NXPH1: variants seen among roughly 807,000 people sequenced by gnomAD.
NXPH1 encodes neurexophilin-1.
NXPH1 carries 5 observed loss-of-function variants against 23.7 expected under a neutral mutation model. The observed-to-expected ratio is 0.21, with a 90% CI of 0.11 to 0.44. The LOEUF (loss-of-function observed/expected upper bound fraction) is 0.44. Among genes scored for constraint, NXPH1 ranks in the 20% least tolerant of loss-of-function variants. The pLI is 0.99. For synonymous variants in NXPH1, 144 were observed against 122.2 expected, an observed-to-expected ratio of 1.18 and a Z score of -1.18; for missense variants, 324 against 321.6, an observed-to-expected ratio of 1.01 and a Z score of -0.06.
intron 2 of NXPH1, among the ~76,000 whole-genome samples, chr7:8,578,393 C>T (rs2128623231): frequency 6.6e-6 from 1 of 152,292 alleles, no homozygotes; most frequent in East Asian, 1.9e-4. Context: ...ACATCTCAGC[C>T]ATGTCCCAAA....
intron 2 of NXPH1, among the ~76,000 whole-genome samples, chr7:8,489,259 G>C (rs1474402500): frequency 2.6e-5 from 4 of 152,064 alleles, no homozygotes; most frequent in Non-Finnish European, 4.4e-5. Flanking sequence ...TGGAAAGGGG[G>C]TGGCCTTCTC....
chr7:8,686,884 A>G (rs984208675), intron 2 of NXPH1, among the ~76,000 whole-genome samples: 1 of 152,132 alleles, frequency 6.6e-6, no homozygotes, highest in African/African-American at 2.4e-5. Flanking sequence ...TTTTATGCTG[A>G]ATTACACATT....
intron 2 of NXPH1, among the ~76,000 whole-genome samples, chr7:8,667,034 G>T (rs1009042679): frequency 1.3e-5 from 2 of 151,930 alleles, no homozygotes; most frequent in South Asian, 2.1e-4. Context: ...TATAACTATG[G>T]TTATTTTAAG....
At chr7:8,709,984 A>G (rs73678835) in intron 2 of NXPH1, among the ~76,000 whole-genome samples, 1,573 of 152,296 alleles carry the variant, frequency 0.01, 25 homozygotes, top group African/African-American at 0.035. Flanking sequence ...TATACATGCT[A>G]AGAGAGGGGT....
chr7:8,535,938 G>A (rs1037727470), intron 2 of NXPH1, among the ~76,000 whole-genome samples: 5 of 151,934 alleles, frequency 3.3e-5, no homozygotes, highest in Admixed American at 6.6e-5. Context: ...ATCCCACCCA[G>A]GTATCTCCTT....
In NXPH1 at chr7:8,551,364, T is replaced by C. The variant is rs567514363; in HGVS notation, c.54+115597T>C. Among the ~76,000 whole-genome samples the C allele has an allele frequency of 2.6e-5, 4 of 151,658 alleles. No individual in the cohort carries two copies. The South Asian group carries it at 8.3e-4, about 31-fold the overall frequency. ...CAAACTTGGTTAAAGCAAAACATGCTAAATTCCAACTTCACAAGGAGTTTA... is the reference window on the plus strand; with the variant it reads ...CAAACTTGGTTAAAGCAAAACATGCCAAATTCCAACTTCACAAGGAGTTTA... On this transcript the variant is annotated intron_variant, in intron 2 of 2. Coordinates refer to ENST00000405863, the MANE Select transcript of NXPH1 (RefSeq NM_152745.3).
chr7:8,452,779 T>C (rs6463810), intron 2 of NXPH1, among the ~76,000 whole-genome samples: 89,145 of 151,970 alleles, frequency 0.59, 28,195 homozygotes, highest in East Asian at 0.84. Flanking sequence ...CCTGATAAAG[T>C]ATTAAAAAGA....
At position 8,533,051 on chromosome 7, in the gene NXPH1, G is replaced by C. The variant is rs80157281; in HGVS notation, c.54+97284G>C. 6.4e-3 allele frequency among the ~76,000 whole-genome samples: 980 copies of C among 152,118 alleles called. 12 individuals are homozygous for C. Among genetic ancestry groups the C allele is most frequent in the African/African-American group, 0.023 (942 of 41,484 alleles). On this transcript the variant is annotated intron_variant, in intron 2 of 2. Coordinates refer to ENST00000405863, the MANE Select transcript of NXPH1 (RefSeq NM_152745.3). The stretch of plus-strand genomic sequence containing the variant: ...TTCCCTCTTTTTAAATCTTAGGTTG[G>C]TACTGCTATTATACTTATTTTATAG...
chr7:8,667,136 T>C (rs935317952), intron 2 of NXPH1, among the ~76,000 whole-genome samples: 1 of 152,068 alleles, frequency 6.6e-6, no homozygotes, highest in Non-Finnish European at 1.5e-5. Context: ...AATTTTTTAA[T>C]TACATATTCC....
At chr7:8,499,017 T>C (rs1817386965) in intron 2 of NXPH1, among the ~76,000 whole-genome samples, 2 of 152,060 alleles carry the variant, frequency 1.3e-5, no homozygotes, top group Admixed American at 6.6e-5. Flanking sequence ...AGAGAGTGTT[T>C]AACATGAAGT....
At chr7:8,626,626 C>T (rs888358285) in intron 2 of NXPH1, among the ~76,000 whole-genome samples, 2 of 152,066 alleles carry the variant, frequency 1.3e-5, no homozygotes, top group Admixed American at 6.6e-5. Context: ...GAAGTCAGGT[C>T]ATATGAAATC....
At chr7:8,715,275 C>T (rs1779858815) in intron 2 of NXPH1, among the ~76,000 whole-genome samples, 1 of 152,148 alleles carries the variant, frequency 6.6e-6, no homozygotes, top group Non-Finnish European at 1.5e-5. Flanking sequence ...CAGGTTCTCT[C>T]TCCATACCAC....
chr7:8,734,434 G>A (rs1329799817), intron 2 of NXPH1, among the ~76,000 whole-genome samples: 1 of 152,086 alleles, frequency 6.6e-6, no homozygotes, highest in Non-Finnish European at 1.5e-5. Flanking sequence ...GCTTGATGGG[G>A]ATAGCATTGA....
rs114007378 is a variant in NXPH1 at position 8,508,397 on chromosome 7, A to G, written c.54+72630A>G. ...AATAATATTATCTCCCTCATAGGGT[A>G]ATTGCTGGAACTAAATGAAGCAAAT... On this transcript the variant is annotated intron_variant, in intron 2 of 2. Coordinates refer to ENST00000405863, the MANE Select transcript of NXPH1 (RefSeq NM_152745.3). 3.3e-3 allele frequency among the ~76,000 whole-genome samples: 509 copies of G among 152,244 alleles called. 5 individuals carry two copies. Among genetic ancestry groups the G allele is most frequent in the African/African-American group, 0.012 (498 of 41,558 alleles).
intron 2 of NXPH1, among the ~76,000 whole-genome samples, chr7:8,580,759 G>A (rs927047364): frequency 6.6e-6 from 1 of 151,736 alleles, no homozygotes; most frequent in African/African-American, 2.4e-5. Flanking sequence ...TTATGCAGAG[G>A]GAAAAAAAGT....
At chr7:8,582,513 G>A (rs769037183) in intron 2 of NXPH1, among the ~76,000 whole-genome samples, 3 of 152,176 alleles carry the variant, frequency 2.0e-5, no homozygotes, top group Non-Finnish European at 4.4e-5. Flanking sequence ...CGAGTGTCCA[G>A]CTCTCAGCAG....
rs1395043884 is a variant in NXPH1 at position 8,442,939 on chromosome 7, G to C, written c.54+7172G>C. On this transcript the variant is annotated intron_variant, in intron 2 of 2. Transcript: ENST00000405863. This position sits in a 1 kb window ranked among gnomAD's most constrained non-coding sequence, Gnocchi z 4.6. The stretch of plus-strand genomic sequence containing the variant: ...CTATAAGATTTGATCGCGGGCAGGC[G>C]GGCGTGGGGCACGCCAGGGCCGGGA... Among the ~76,000 whole-genome samples, 1 of 152,266 alleles carries C rather than the reference G, an allele frequency of 6.6e-6. No individual in the cohort carries two copies. Among genetic ancestry groups the C allele is most frequent in the African/African-American group, 2.4e-5 (1 of 41,470 alleles).
intron 2 of NXPH1, among the ~76,000 whole-genome samples, chr7:8,527,456 C>T (rs1170503069): frequency 6.6e-6 from 1 of 152,162 alleles, no homozygotes; most frequent in Non-Finnish European, 1.5e-5. Flanking sequence ...TTGGATAAAA[C>T]TAACATGGCT....
At chr7:8,514,304 C>T (rs951956451) in intron 2 of NXPH1, among the ~76,000 whole-genome samples, 15 of 152,190 alleles carry the variant, frequency 9.9e-5, no homozygotes, top group East Asian at 3.9e-4. Context: ...TCTCTCTCTC[C>T]GACATTTTTA....
Sources: gnomAD v4.1 joint callset for allele counts (sites outside exome capture counted in the v4.1 genomes callset) on GRCh38, gnomAD v4.1.1 for gene constraint, Gnocchi (gnomAD v3.1) non-coding constraint, MANE v1.5 for transcripts, NCBI Gene and HGNC (gene_info 2026-07-23, HGNC 2026-07-21) for gene names.